Variants in ASCC3 observed in about 807,000 individuals in gnomAD.
ASCC3 encodes activating signal cointegrator 1 complex subunit 3, also known as ASC-1 complex subunit P200.
A neutral mutation model predicts 256.3 loss-of-function variants in ASCC3; 158 were observed. The ratio of observed to expected loss-of-function variants is 0.62; its 90% CI spans 0.54 to 0.70. The LOEUF is 0.70. Ranked by LOEUF, ASCC3 falls within the 30% of genes least tolerant of loss-of-function variation. ASCC3 has a pLI of 0.00. For missense variants in ASCC3, 2,259 were observed against 2,626.0 expected, an observed-to-expected ratio of 0.86 and a Z score of 3.05; for synonymous variants, 948 against 883.4, an observed-to-expected ratio of 1.07 and a Z score of -1.30.
chr6:100,866,812 A>C (rs752981826), intron 2 of ASCC3, among the ~76,000 whole-genome samples: 76 of 152,186 alleles, frequency 5.0e-4, no homozygotes, highest in Non-Finnish European at 9.0e-4. Context: ...ATGAGAAAAT[A>C]AATCTTTGTT....
At chr6:100,805,640 G>C (rs1206889276) in intron 5 of ASCC3, 120 bp downstream of exon 5, 6 of 1,190,228 alleles carry the variant, frequency 5.0e-6, no homozygotes, top group African/African-American at 4.7e-5. Context: ...ATTTAACAGA[G>C]TAATATCAGT....
chr6:100,534,879 TAC>T (rs912489071), intron 37 of ASCC3, among the ~76,000 whole-genome samples: 9 of 152,196 alleles, frequency 5.9e-5, no homozygotes, highest in African/African-American at 1.9e-4. Context: ...TAGTCAAGAC[TAC>T]AGAGTTTTCA....
intron 14 of ASCC3, among the ~76,000 whole-genome samples, chr6:100,677,712 G>T (rs1164665253): frequency 1.3e-5 from 2 of 151,758 alleles, no homozygotes; most frequent in Admixed American, 6.6e-5. Context: ...ATATAAGGGT[G>T]AGTAGGACAA....
intron 13 of ASCC3, among the ~76,000 whole-genome samples, chr6:100,699,430 T>C (rs1353613023): frequency 1.3e-5 from 2 of 152,204 alleles, no homozygotes; most frequent in Non-Finnish European, 2.9e-5. Flanking sequence ...TCCTCAGCCA[T>C]GTGGAACTGT....
intron 17 of ASCC3, among the ~76,000 whole-genome samples, chr6:100,654,068 G>C (rs1775804498): frequency 1.3e-5 from 2 of 152,022 alleles, no homozygotes; most frequent in Non-Finnish European, 2.9e-5. Context: ...TGGAGCAAAA[G>C]AATATCAACT....
chr6:100,647,992 T>C (rs1453835210), intron 20 of ASCC3, among the ~76,000 whole-genome samples: 1 of 152,140 alleles, frequency 6.6e-6, no homozygotes, highest in Non-Finnish European at 1.5e-5. Context: ...GCTTTACATA[T>C]ATTGCCTCAT....
At chr6:100,567,665 T>G (rs1377587003) in intron 36 of ASCC3, among the ~76,000 whole-genome samples, 6 of 152,216 alleles carry the variant, frequency 3.9e-5, no homozygotes, top group Admixed American at 3.9e-4. Context: ...GAATTTGGTT[T>G]TCTGTTCTTG....
At chr6:100,537,669 T>C (rs1368030242) in intron 37 of ASCC3, among the ~76,000 whole-genome samples, 1 of 151,886 alleles carries the variant, frequency 6.6e-6, no homozygotes, top group African/African-American at 2.4e-5. Context: ...AAATTAAAAA[T>C]TCATTGAAAA....
chr6:100,636,310 G>C (rs944297469), intron 25 of ASCC3, among the ~76,000 whole-genome samples: 1 of 151,836 alleles, frequency 6.6e-6, no homozygotes, highest in East Asian at 1.9e-4. Flanking sequence ...ATCTGTGGTC[G>C]GTGATCTTTT....
intron 37 of ASCC3, 58 bp from the exon 38 acceptor site, chr6:100,518,200 C>T: frequency 3.2e-6 from 5 of 1,581,918 alleles, no homozygotes; most frequent in Admixed American, 1.7e-5. Context: ...GCCCCCTCCA[C>T]TGGGATTCTG....
At chr6:100,837,506 T>G (rs550637880) in intron 4 of ASCC3, among the ~76,000 whole-genome samples, 1 of 152,022 alleles carries the variant, frequency 6.6e-6, no homozygotes, top group Non-Finnish European at 1.5e-5. Context: ...AACAGATGAA[T>G]AGATAAATAT....
At chr6:100,813,932 A>G (rs1044390670) in intron 4 of ASCC3, among the ~76,000 whole-genome samples, 2 of 151,998 alleles carry the variant, frequency 1.3e-5, no homozygotes, top group African/African-American at 4.8e-5. Flanking sequence ...TTGATGCCTG[A>G]TATTTCTTTC....
intron 3 of ASCC3, among the ~76,000 whole-genome samples, chr6:100,851,697 T>G (rs2114512937): frequency 1.3e-5 from 2 of 152,348 alleles, no homozygotes; most frequent in South Asian, 4.1e-4. Flanking sequence ...CTGCACAACC[T>G]ATGTGAAATG....
intron 37 of ASCC3, among the ~76,000 whole-genome samples, chr6:100,523,720 TGG>T (rs1774420040): frequency 6.6e-6 from 1 of 152,188 alleles, no homozygotes; most frequent in Non-Finnish European, 1.5e-5. Flanking sequence ...ATTTTTACAG[TGG>T]TGTAAGTATT....
intron 8 of ASCC3, among the ~76,000 whole-genome samples, chr6:100,791,511 T>A (rs1317284816): frequency 6.6e-6 from 1 of 151,922 alleles, no homozygotes; most frequent in Non-Finnish European, 1.5e-5. Flanking sequence ...AAGGAAACAA[T>A]TGTTTAGTTC....
rs1233033697 is a variant in ASCC3, at chr6:100,800,153, T to C, written c.1127+147A>G. On this transcript the variant is annotated intron_variant, in intron 6 of 41. Transcript: ENST00000369162. ...CCATTGCTTTCTTATCCCAGAAAAT[T>C]AGGTATTCATAAAACAAACTTCTAT... 5.2e-6 allele frequency: 4 copies of C among 763,046 alleles called. No homozygotes were observed. In the East Asian group the frequency reaches 8.0e-5, roughly 15 times the overall value. The allele number at this position is 763,046 out of a possible 1,614,324, so 47.3% of individuals were successfully genotyped here.
intron 14 of ASCC3, among the ~76,000 whole-genome samples, chr6:100,677,609 T>C (rs1013268842): frequency 6.6e-6 from 1 of 152,274 alleles, no homozygotes; most frequent in East Asian, 1.9e-4. Context: ...GTGAAACATC[T>C]ATTATAATGT....
intron 2 of ASCC3, among the ~76,000 whole-genome samples, chr6:100,865,992 T>A (rs1232954699): frequency 6.6e-6 from 1 of 151,774 alleles, no homozygotes; most frequent in South Asian, 2.1e-4. Context: ...ATTTTTGAGA[T>A]GGAGTCTCGC....
intron 10 of ASCC3, among the ~76,000 whole-genome samples, chr6:100,727,306 C>T (rs986070176): frequency 6.6e-6 from 1 of 151,896 alleles, no homozygotes; most frequent in Non-Finnish European, 1.5e-5. Flanking sequence ...GATAGTGCTT[C>T]ACTGAATGAA....
Sources: allele counts gnomAD v4.1 joint callset (sites outside exome capture counted in the v4.1 genomes callset), GRCh38; gene constraint gnomAD v4.1.1; transcripts MANE v1.5; gene names NCBI Gene and HGNC (gene_info 2026-07-23, HGNC 2026-07-21).